FRMD3: variants seen among roughly 807,000 people sequenced by gnomAD.
FRMD3 encodes FERM domain containing 3.
FRMD3 carries 33 observed loss-of-function variants against 70.2 expected under a neutral mutation model. The ratio of observed to expected loss-of-function variants is 0.47; its 90% CI spans 0.36 to 0.63. FRMD3 has a LOEUF of 0.63. FRMD3 is among the 20% of genes least tolerant of loss of function. The pLI is 0.00. For synonymous variants in FRMD3, 279 were observed against 255.9 expected (o/e 1.09, Z -0.86); for missense variants, 632 against 711.4 (o/e 0.89, Z 1.27).
rs540072538 is a variant in FRMD3, at chr9:83,369,446, C to T, written c.295+3467G>A. ...CAAAAATTAGCTGGGTGCGGTGGCA[C>T]GTGCCTGTAATCCCAGCTACTCAGG... On this transcript the variant is annotated intron_variant, in intron 3 of 13. Transcript: ENST00000304195. Among the ~76,000 whole-genome samples the T allele has an allele frequency of 2.5e-4, 38 of 151,874 alleles. No individual in the cohort carries two copies. In the South Asian group the frequency reaches 7.5e-3, roughly 30 times the overall value.
At position 83,245,165 on chromosome 9, in the gene FRMD3, G is replaced by A. The variant is rs1392609503; in HGVS notation, c.*2753C>T. ...TATGCATGAGGGGCATATATGTTGTGTCTATTCAAAGACACACATATATAC... is the reference window on the plus strand; with the variant it reads ...TATGCATGAGGGGCATATATGTTGTATCTATTCAAAGACACACATATATAC... On this transcript the variant is annotated 3_prime_UTR_variant, in exon 14 of 14. Transcript: ENST00000304195. 4.1e-6 allele frequency: 4 copies of A among 984,880 alleles called. No homozygotes were observed. The highest frequency in any genetic ancestry group is 4.7e-5 in the South Asian group (1 of 21,282). 61.0% of individuals were successfully genotyped at this position (984,880 alleles called of 1,614,324 possible).
intron 2 of FRMD3, among the ~76,000 whole-genome samples, chr9:83,382,261 G>A (rs1304603372): frequency 6.6e-6 from 1 of 151,842 alleles, no homozygotes; most frequent in Non-Finnish European, 1.5e-5. Flanking sequence ...TAGATTCATG[G>A]GCCTTTTTTA....
chr9:83,479,723 A>AGGGAGGG (rs879408156), intron 1 of FRMD3, among the ~76,000 whole-genome samples: 3 of 65,374 alleles, frequency 4.6e-5, no homozygotes, highest in Non-Finnish European at 8.9e-5. Context: ...AAAGAAAGAA[A>AGGGAGGG]AGAAAGGGAA....
At chr9:83,575,118 C>G in the FRMD3 span, among the ~76,000 whole-genome samples, 1 of 152,162 alleles carries the variant, frequency 6.6e-6, no homozygotes, top group Non-Finnish European at 1.5e-5. Flanking sequence ...TTCTGTTACT[C>G]ACAATGCCTG....
chr9:83,563,463 G>A, the FRMD3 span, among the ~76,000 whole-genome samples: 16 of 152,120 alleles, frequency 1.1e-4, no homozygotes, highest in African/African-American at 3.6e-4. Context: ...GATAAATGAT[G>A]CTCTCTGGAG....
intron 3 of FRMD3, among the ~76,000 whole-genome samples, chr9:83,372,302 G>C (rs533256173): frequency 5.3e-5 from 8 of 151,732 alleles, no homozygotes; most frequent in Non-Finnish European, 1.2e-4. Context: ...TGACCAGGGG[G>C]TGCTAGAGAG....
intron 1 of FRMD3, among the ~76,000 whole-genome samples, chr9:83,491,146 C>A (rs1203936548): frequency 6.6e-6 from 1 of 152,130 alleles, no homozygotes; most frequent in Non-Finnish European, 1.5e-5. Flanking sequence ...ACCTAGAACA[C>A]TTCCAGAAAT....
the FRMD3 span, among the ~76,000 whole-genome samples, chr9:83,560,994 C>T: frequency 1.3e-5 from 2 of 152,150 alleles, no homozygotes; most frequent in Non-Finnish European, 2.9e-5. Flanking sequence ...TTTTGAATGT[C>T]TCTTACAGCC....
rs4515626 is a variant in FRMD3 at position 83,457,640 on chromosome 9, A to G, written c.148-67932T>C. On this transcript the variant is annotated intron_variant, in intron 1 of 13. Transcript: ENST00000304195. The stretch of plus-strand genomic sequence containing the variant: ...GTTATACAGCATTGTTTAGGAAATA[A>G]TGACAAGGAAAAAAGTCTGTACTGT... 7.0e-3 allele frequency among the ~76,000 whole-genome samples: 1,071 copies of G among 152,328 alleles called. 12 individuals carry two copies. Among genetic ancestry groups the G allele is most frequent in the African/African-American group, 0.024 (1,008 of 41,570 alleles).
At chr9:83,541,747 C>T (rs1430141314), upstream of FRMD3, among the ~76,000 whole-genome samples, 1 of 152,102 alleles carries the variant, frequency 6.6e-6, no homozygotes, top group Non-Finnish European at 1.5e-5. Context: ...CAGTGGTACC[C>T]AAGTAGACTT....
the FRMD3 span, among the ~76,000 whole-genome samples, chr9:83,574,571 T>C: frequency 3.9e-5 from 6 of 152,174 alleles, no homozygotes; most frequent in Non-Finnish European, 8.8e-5. Context: ...GCTTGTTTCT[T>C]AGCAGAAACA....
At chr9:83,279,711 C>T (rs1007752109) in intron 13 of FRMD3, among the ~76,000 whole-genome samples, 2 of 151,192 alleles carry the variant, frequency 1.3e-5, no homozygotes. Context: ...GAAAACCACA[C>T]ACCAAATGTT....
chr9:83,343,198 A>C lies in FRMD3; in HGVS notation c.464T>G (p.Ile155Ser). 6.2e-7 allele frequency: 1 copy of C among 1,612,598 alleles called. No individual in the cohort carries two copies. The highest frequency in any genetic ancestry group is 8.5e-7 in the Non-Finnish European group (1 of 1,178,648). ...FSDAAYLGAC[I>S]VQAELGDYDP... ...GCTGTGGCCAGACTTACCTTGAACA[A>C]TACAGGCACCCAGGTAGGCAGCATC... The change falls in exon 5 of 14, where the codon ATT (isoleucine) becomes AGT (serine). Residue 155 changes from isoleucine to serine, a missense_variant. Physicochemically the swap from Ile to Ser is moderately radical, Grantham distance 142. Around this residue, in one of 3 missense-constraint regions of FRMD3, gnomAD observed 208 missense variants for 247.7 expected, o/e 0.84. Coordinates refer to ENST00000304195, the MANE Select transcript of FRMD3 (RefSeq NM_174938.6).
chr9:83,416,963 T>C (rs886829453), intron 1 of FRMD3, among the ~76,000 whole-genome samples: 14 of 152,284 alleles, frequency 9.2e-5, no homozygotes, highest in African/African-American at 3.4e-4. Context: ...CCACTGCTTA[T>C]TCCCAACCAC....
At chr9:83,463,036 T>C (rs962458483) in intron 1 of FRMD3, among the ~76,000 whole-genome samples, 3 of 152,162 alleles carry the variant, frequency 2.0e-5, no homozygotes, top group African/African-American at 4.8e-5. Flanking sequence ...TCTTGCTAGA[T>C]TGCAAAAGAA....
intron 13 of FRMD3, among the ~76,000 whole-genome samples, chr9:83,285,795 C>T (rs992747538): frequency 6.6e-6 from 1 of 152,226 alleles, no homozygotes; most frequent in Non-Finnish European, 1.5e-5. Flanking sequence ...ATGTCATTTT[C>T]ACCTAGAACA....
intron 12 of FRMD3, chr9:83,297,661 A>T (rs953731097): frequency 6.8e-5 from 31 of 456,400 alleles, no homozygotes; most frequent in South Asian, 5.0e-4. Context: ...CACTTTCAGG[A>T]TCTGCACCAA....
chr9:83,366,192 A>C (rs530839596), intron 3 of FRMD3, among the ~76,000 whole-genome samples: 206 of 152,268 alleles, frequency 1.4e-3, no homozygotes, highest in African/African-American at 4.8e-3. Context: ...AGAAAAAAAA[A>C]CAGTATGGAG....
rs372574147 is a variant in FRMD3 at position 83,393,949 on chromosome 9, G to GT, written c.148-4242dup. On this transcript the variant is annotated intron_variant, in intron 1 of 13. Coordinates refer to ENST00000304195, the MANE Select transcript of FRMD3 (RefSeq NM_174938.6). Reference sequence around the variant, plus strand: ...GATTTTGTTTTTTTTTGTTGTTGTTGTTTTTTTTTACAAATATTGGTCCAA... The same window carrying GT: ...GATTTTGTTTTTTTTTGTTGTTGTTGTTTTTTTTTTACAAATATTGGTCCAA... Among the ~76,000 whole-genome samples the GT allele has an allele frequency of 5.9e-3, 864 of 146,442 alleles. 2 individuals are homozygous for GT. The highest frequency in any genetic ancestry group is 0.019 in the African/African-American group (728 of 38,120).
Sources: gnomAD v4.1 joint callset for allele counts (sites outside exome capture counted in the v4.1 genomes callset) on GRCh38, gnomAD v4.1.1 for gene constraint, gnomAD v4.1.1 regional missense constraint, MANE v1.5 for transcripts, NCBI Gene and HGNC (gene_info 2026-07-23, HGNC 2026-07-21) for gene names.